Variants in SPECC1L observed in about 807,000 individuals in gnomAD.
SPECC1L encodes the protein cytospin-A.
In SPECC1L, 40 loss-of-function variants were observed where a neutral mutation model predicts 116.8. That is an observed-to-expected ratio of 0.34 (90% CI 0.27 to 0.45). The LOEUF (loss-of-function observed/expected upper bound fraction) is 0.45, where lower values mean the gene tolerates loss of function less well. Ranked by LOEUF, SPECC1L falls within the 20% of genes least tolerant of loss-of-function variation. The pLI is 1.00. For missense variants in SPECC1L, 1,110 were observed against 1,373.6 expected (o/e 0.81, Z 3.03); for synonymous variants, 504 against 500.6 (o/e 1.01, Z -0.09).
Position 24,334,471 on chromosome 22 carries a change from G to A in SPECC1L, c.2458G>A (p.Ala820Thr), listed in dbSNP as rs756497744. Residue 820 changes from alanine to threonine, a missense_variant, in exon 9 of 17, where the codon GCC (alanine) becomes ACC (threonine). By Grantham distance (58) the Ala-to-Thr change is moderately conservative (BLOSUM62 0). Transcript: ENST00000314328. Reference sequence around the variant, plus strand: ...GAATGCCGTTGAGAGAGATTTGGCAGCCTTAAGGCAGGGAATGGGACTGAG... The same window carrying A: ...GAATGCCGTTGAGAGAGATTTGGCAACCTTAAGGCAGGGAATGGGACTGAG... ...YMNAVERDLA[A>T]LRQGMGLSRR... 4 of 1,614,056 alleles carry A rather than the reference G, an allele frequency of 2.5e-6. No individual in the cohort carries two copies. In the African/African-American group the frequency reaches 4.0e-5, roughly 16 times the overall value.
chr22:24,408,617 C>T (rs1231668095), intron 14 of SPECC1L, among the ~76,000 whole-genome samples: 1 of 152,226 alleles, frequency 6.6e-6, no homozygotes, highest in Non-Finnish European at 1.5e-5. Flanking sequence ...GTTTGCGTTT[C>T]CTCGTTCCTT....
At position 24,338,591 on chromosome 22, in the gene SPECC1L, G is replaced by A. The variant is rs1041270322; in HGVS notation, c.2652+114G>A. On this transcript the variant is annotated intron_variant, in intron 10 of 16. Coordinates refer to ENST00000314328, the MANE Select transcript of SPECC1L (RefSeq NM_015330.6). ...TTGGGTAAATGACTACCTCAGCAGG[G>A]ATGTATCTAGAATTTGTTTCCTAAA... is the stretch of plus-strand genomic sequence containing the variant. 6 of 819,010 alleles carry A rather than the reference G, an allele frequency of 7.3e-6. No individual in the cohort carries two copies. The Admixed American group carries it at 1.1e-4, about 15-fold the overall frequency. The allele number at this position is 819,010 out of a possible 1,614,324, so 50.7% of individuals were successfully genotyped here.
At chr22:24,390,872 CTTTTTTTTT>C (rs1016008966) in intron 14 of SPECC1L, among the ~76,000 whole-genome samples, 3 of 57,116 alleles carry the variant, frequency 5.3e-5, no homozygotes, top group East Asian at 5.6e-4. Flanking sequence ...TTTTTCTTTT[CTTTTTTTTT>C]TTTTTTTTTT....
intron 14 of SPECC1L, among the ~76,000 whole-genome samples, chr22:24,371,872 C>T (rs559599954): frequency 6.6e-6 from 1 of 152,342 alleles, no homozygotes; most frequent in African/African-American, 2.4e-5. Flanking sequence ...CAAACGTGTG[C>T]TATCATGCCC....
chr22:24,342,320 G>C (rs204703), intron 10 of SPECC1L, among the ~76,000 whole-genome samples: 1 of 152,204 alleles, frequency 6.6e-6, no homozygotes, highest in Non-Finnish European at 1.5e-5. Context: ...TATGATCTCT[G>C]CTTAAGTATG....
chr22:24,293,115 A>C (rs368494060), intron 2 of SPECC1L, among the ~76,000 whole-genome samples: 1 of 150,548 alleles, frequency 6.6e-6, no homozygotes, highest in Non-Finnish European at 1.5e-5. Flanking sequence ...GTTGCTTACT[A>C]TACAGTTTTT....
At chr22:24,348,709 G>A (rs1480515957) in intron 11 of SPECC1L, among the ~76,000 whole-genome samples, 2 of 152,218 alleles carry the variant, frequency 1.3e-5, no homozygotes, top group African/African-American at 4.8e-5. Flanking sequence ...ATTTACATAG[G>A]TGTGCAGCAC....
chr22:24,306,326 G>A (rs2049496450), intron 3 of SPECC1L, among the ~76,000 whole-genome samples: 2 of 148,792 alleles, frequency 1.3e-5, no homozygotes, highest in South Asian at 4.6e-4. Context: ...TTTTTATTGT[G>A]GAAAAATACA....
chr22:24,405,110 G>C (rs2042559396), intron 14 of SPECC1L, among the ~76,000 whole-genome samples: 1 of 152,210 alleles, frequency 6.6e-6, no homozygotes, highest in African/African-American at 2.4e-5. Flanking sequence ...CCTCCTGCTG[G>C]GGTGGAAAGC....
chr22:24,363,077 T>G (rs2041676808), intron 11 of SPECC1L, among the ~76,000 whole-genome samples, 184 bp from the exon 12 acceptor site: 1 of 152,350 alleles, frequency 6.6e-6, no homozygotes, highest in Middle Eastern at 3.4e-3. Flanking sequence ...AATGTTCTAC[T>G]GTGTTCTGTG....
chr22:24,336,737 TAATA>T (rs747876128), intron 9 of SPECC1L, among the ~76,000 whole-genome samples: 9 of 152,208 alleles, frequency 5.9e-5, no homozygotes, highest in Non-Finnish European at 1.3e-4. Context: ...TGTTATTTTA[TAATA>T]AAATATATGT....
At chr22:24,295,723 T>C (rs4049941) in intron 2 of SPECC1L, among the ~76,000 whole-genome samples, 2 of 151,876 alleles carry the variant, frequency 1.3e-5, no homozygotes, top group East Asian at 1.9e-4. Flanking sequence ...AGGCCGAGGG[T>C]GGATCATCTG....
intron 14 of SPECC1L, among the ~76,000 whole-genome samples, chr22:24,384,162 A>T (rs1229849563): frequency 1.3e-5 from 2 of 152,118 alleles, no homozygotes; most frequent in African/African-American, 2.4e-5. Context: ...GACACATACA[A>T]TTGGGTTATA....
chr22:24,325,809 T>C (rs2040809654), intron 6 of SPECC1L, among the ~76,000 whole-genome samples: 1 of 152,162 alleles, frequency 6.6e-6, no homozygotes, highest in African/African-American at 2.4e-5. Flanking sequence ...GTCCTGAGAT[T>C]TGCTGTCATT....
chr22:24,289,340 G>A (rs2049112503), intron 2 of SPECC1L, among the ~76,000 whole-genome samples: 1 of 152,152 alleles, frequency 6.6e-6, no homozygotes, highest in African/African-American at 2.4e-5. Context: ...TCCTTTTCCA[G>A]GCTTGTCACT....
At chr22:24,285,645 TTTG>T (rs1351326467) in intron 2 of SPECC1L, among the ~76,000 whole-genome samples, 1 of 151,952 alleles carries the variant, frequency 6.6e-6, no homozygotes, top group African/African-American at 2.4e-5. Flanking sequence ...TTTTTGTTGT[TTTG>T]TTTTGTTTTT....
At chr22:24,327,923 G>A (rs751216965) in intron 6 of SPECC1L, among the ~76,000 whole-genome samples, 1 of 152,166 alleles carries the variant, frequency 6.6e-6, no homozygotes, top group Non-Finnish European at 1.5e-5. Flanking sequence ...GATCTACTGG[G>A]GTGGGGCTGT....
chr22:24,377,612 A>G (rs2041995641), intron 14 of SPECC1L, among the ~76,000 whole-genome samples: 1 of 152,210 alleles, frequency 6.6e-6, no homozygotes. Context: ...TTGAAGAGGC[A>G]AGACCCCATA....
intron 2 of SPECC1L, among the ~76,000 whole-genome samples, chr22:24,296,478 A>G (rs982061948): frequency 6.6e-6 from 1 of 152,256 alleles, no homozygotes; most frequent in Non-Finnish European, 1.5e-5. Context: ...TGTTTTTATG[A>G]GGAGAGCTAC....
Sources: gnomAD v4.1 joint callset for allele counts (sites outside exome capture counted in the v4.1 genomes callset) on GRCh38, gnomAD v4.1.1 for gene constraint, MANE v1.5 for transcripts, NCBI Gene and HGNC (gene_info 2026-07-23, HGNC 2026-07-21) for gene names.